Variants in SYT14 observed in about 807,000 individuals in gnomAD.
The protein encoded by SYT14 is synaptotagmin 14.
In SYT14, 32 loss-of-function variants were observed where a neutral mutation model predicts 74.2. The observed-to-expected ratio is 0.43, with a 90% CI of 0.33 to 0.58. The LOEUF (loss-of-function observed/expected upper bound fraction) is 0.58, where lower values mean the gene tolerates loss of function less well. Ranked by LOEUF, SYT14 falls within the 20% of genes least tolerant of loss-of-function variation. SYT14 has a pLI of 0.05. For synonymous variants in SYT14, 298 were observed against 337.7 expected (o/e 0.88, Z 1.29); for missense variants, 791 against 981.8 (o/e 0.81, Z 2.60).
chr1:210,083,300 A>G (rs2081653223), intron 5 of SYT14, among the ~76,000 whole-genome samples: 1 of 152,198 alleles, frequency 6.6e-6, no homozygotes, highest in Non-Finnish European at 1.5e-5. Context: ...CGAGTAATGG[A>G]TTATTTCAAA....
intron 7 of SYT14, among the ~76,000 whole-genome samples, chr1:210,147,075 G>T (rs975416410): frequency 6.6e-6 from 1 of 151,926 alleles, no homozygotes; most frequent in Non-Finnish European, 1.5e-5. Context: ...AGAAAGATGT[G>T]TTGGCAGCTC....
rs1477446892 is a variant in SYT14, at chr1:210,125,150, TGA to T, written c.2034+24690_2034+24691del. 1.6e-4 allele frequency among the ~76,000 whole-genome samples: 24 copies of T among 152,098 alleles called. 1 individual carries two copies. Among genetic ancestry groups the T allele is most frequent in the Admixed American group, 3.9e-4 (6 of 15,268 alleles). On this transcript the variant is annotated intron_variant, in intron 7 of 9. Coordinates refer to ENST00000637265, the Ensembl canonical transcript of SYT14. ...ATAATGCTGGAGTTTGAGCTTCTAT[TGA>T]ACCCATCACCCAAGTAGTGAGCATA... is the stretch of plus-strand genomic sequence containing the variant.
chr1:210,162,332 T>C (rs780049874), exon 10 of SYT14: 5 of 446,614 alleles, frequency 1.1e-5, no homozygotes, highest in South Asian at 8.1e-5. Flanking sequence ...CTCAGAACAG[T>C]GTCGCAAGAT....
exon 4 of SYT14, chr1:210,016,055 G>A: frequency 2.4e-6 from 3 of 1,232,094 alleles, no homozygotes; most frequent in Non-Finnish European, 2.0e-6. Flanking sequence ...GTCCTCTCTA[G>A]TAGACACAAT....
In SYT14 at chr1:209,980,227, T is replaced by C. The variant is rs917257991; in HGVS notation, c.-486+27471T>C. 2.6e-5 allele frequency among the ~76,000 whole-genome samples: 4 copies of C among 152,256 alleles called. No homozygotes were observed. The East Asian group carries it at 7.7e-4, about 29-fold the overall frequency. On this transcript the variant is annotated intron_variant, in intron 2 of 9. Coordinates refer to ENST00000637265, the Ensembl canonical transcript of SYT14. Reference sequence around the variant, plus strand: ...ATGATCAGTGATGCTGAGCTTTTTTTCATATGTATGTTGGCTGCATGTGTA... The same window carrying C: ...ATGATCAGTGATGCTGAGCTTTTTTCCATATGTATGTTGGCTGCATGTGTA...
exon 10 of SYT14, chr1:210,170,979 A>G (rs2083519570): frequency 6.6e-6 from 1 of 152,180 alleles, no homozygotes; most frequent in South Asian, 2.1e-4. Context: ...TGATCTCAGT[A>G]TCTTCAGCTG....
chr1:209,967,360 G>A (rs1210157106), intron 2 of SYT14, among the ~76,000 whole-genome samples: 1 of 152,090 alleles, frequency 6.6e-6, no homozygotes, highest in Non-Finnish European at 1.5e-5. Context: ...TGAATTTTGT[G>A]AGAGAGTTTA....
chr1:209,978,833 T>G (rs947132663), intron 2 of SYT14, among the ~76,000 whole-genome samples: 1 of 152,238 alleles, frequency 6.6e-6, no homozygotes, highest in East Asian at 1.9e-4. Flanking sequence ...CAGGCCTTCT[T>G]GAGCTGTGCT....
At chr1:209,963,756 C>T (rs1239850078) in intron 2 of SYT14, among the ~76,000 whole-genome samples, 2 of 152,124 alleles carry the variant, frequency 1.3e-5, no homozygotes, top group African/African-American at 4.8e-5. Context: ...GATGAAATGA[C>T]AGATTTGGTG....
intron 7 of SYT14, among the ~76,000 whole-genome samples, chr1:210,138,570 A>G (rs894973558): frequency 6.6e-6 from 1 of 152,270 alleles, no homozygotes; most frequent in South Asian, 2.1e-4. Flanking sequence ...GTGTTGATAT[A>G]TTGTTTAATT....
chr1:210,142,699 A>T (rs2082942248), intron 7 of SYT14, among the ~76,000 whole-genome samples: 1 of 152,190 alleles, frequency 6.6e-6, no homozygotes, highest in South Asian at 2.1e-4. Flanking sequence ...TTGAGCTGAC[A>T]TGGAGGATGA....
At chr1:209,980,662 A>G (rs868433424) in intron 2 of SYT14, among the ~76,000 whole-genome samples, 5 of 152,226 alleles carry the variant, frequency 3.3e-5, no homozygotes, top group African/African-American at 9.6e-5. Flanking sequence ...AGTTTTCTGC[A>G]TATGGCTAGC....
At chr1:210,085,913 C>G (rs1379480277) in intron 5 of SYT14, among the ~76,000 whole-genome samples, 1 of 151,970 alleles carries the variant, frequency 6.6e-6, no homozygotes, top group Admixed American at 6.6e-5. Flanking sequence ...ATAAGTAGTC[C>G]CTCTTTTTTG....
At position 209,990,527 on chromosome 1, in the gene SYT14, A is replaced by ATATATATATACG. The variant is rs1553262321; in HGVS notation, c.-485-23096_-485-23085dup. 5.3e-3 allele frequency among the ~76,000 whole-genome samples: 67 copies of ATATATATATACG among 12,712 alleles called. 5 individuals are homozygous for ATATATATATACG. Among genetic ancestry groups the ATATATATATACG allele is most frequent in the African/African-American group, 0.02 (63 of 3,196 alleles). The allele number at this position is 12,712 out of a possible 152,430, so 8.3% of individuals were successfully genotyped here. A position where few individuals can be genotyped will look rare whatever the true frequency, so the allele number is the denominator to read the frequency against. On this transcript the variant is annotated intron_variant, in intron 2 of 9. Transcript: ENST00000637265. ...TTAAGGATGAAGGAATATTTCACAT[A>ATATATATATACG]TATATATATACGTATATATATGTAT...
At chr1:210,074,309 A>G (rs1048887106) in intron 5 of SYT14, among the ~76,000 whole-genome samples, 1 of 152,224 alleles carries the variant, frequency 6.6e-6, no homozygotes, top group African/African-American at 2.4e-5. Flanking sequence ...CAGATGAGCA[A>G]ATAAAATCAT....
intron 5 of SYT14, among the ~76,000 whole-genome samples, chr1:210,056,311 C>T (rs1234052809): frequency 6.6e-6 from 1 of 151,624 alleles, no homozygotes; most frequent in East Asian, 1.9e-4. Flanking sequence ...GTAATTGAGA[C>T]CTCACCCCCC....
chr1:209,943,267 G>C (rs756815887), intron 1 of SYT14, among the ~76,000 whole-genome samples: 13 of 152,218 alleles, frequency 8.5e-5, no homozygotes, highest in South Asian at 2.1e-4. Context: ...ACTTTGGTAG[G>C]CCGAGGCGGG....
At chr1:210,070,104 A>G (rs2081365378) in intron 5 of SYT14, among the ~76,000 whole-genome samples, 1 of 152,076 alleles carries the variant, frequency 6.6e-6, no homozygotes, top group South Asian at 2.1e-4. Flanking sequence ...GGAGGAAAAA[A>G]TGTTTTTATT....
At chr1:210,031,656 G>A (rs187028284) in intron 5 of SYT14, among the ~76,000 whole-genome samples, 1 of 152,152 alleles carries the variant, frequency 6.6e-6, no homozygotes, top group East Asian at 1.9e-4. Context: ...TAATGAATTG[G>A]TTTATTTCAC....
Sources: gnomAD v4.1 joint callset for allele counts (sites outside exome capture counted in the v4.1 genomes callset) on GRCh38, gnomAD v4.1.1 for gene constraint, MANE v1.5 for transcripts, NCBI Gene and HGNC (gene_info 2026-07-23, HGNC 2026-07-21) for gene names.